RPRD2: variants seen among roughly 807,000 people sequenced by gnomAD.
RPRD2 encodes regulation of nuclear pre-mRNA domain-containing protein 2.
In RPRD2, 12 loss-of-function variants were observed where a neutral mutation model predicts 104.4. The observed-to-expected ratio is 0.11, with a 90% CI of 0.07 to 0.19. The LOEUF is 0.19. Among genes scored for constraint, RPRD2 ranks in the 10% least tolerant of loss-of-function variants. RPRD2 has a pLI of 1.00. For synonymous variants in RPRD2, 714 were observed against 684.9 expected (o/e 1.04, Z -0.66); for missense variants, 1,543 against 1,790.1 (o/e 0.86, Z 2.49).
At position 150,421,066 on chromosome 1, in the gene RPRD2, A is replaced by G. The variant is rs181131733; in HGVS notation, c.335+3341A>G. Among the ~76,000 whole-genome samples, 21 of 152,296 alleles carry G rather than the reference A, an allele frequency of 1.4e-4. No homozygotes were observed. The East Asian group carries it at 4.1e-3, about 29-fold the overall frequency. On this transcript the variant is annotated intron_variant, in intron 2 of 10. Transcript: ENST00000369068. ...AACAAATGGGTATGGCTATCTTCCAATAAGAATAGGCAGCAGGCCAGATTT... is the reference window on the plus strand; with the variant it reads ...AACAAATGGGTATGGCTATCTTCCAGTAAGAATAGGCAGCAGGCCAGATTT...
chr1:150,461,014 C>T (rs1346025576), intron 9 of RPRD2, among the ~76,000 whole-genome samples: 2 of 152,012 alleles, frequency 1.3e-5, no homozygotes, highest in East Asian at 1.9e-4. Flanking sequence ...CGTGAGCCAG[C>T]GCACCCAGCT....
intron 2 of RPRD2, among the ~76,000 whole-genome samples, chr1:150,422,499 C>G (rs1454922806): frequency 1.3e-5 from 2 of 151,838 alleles, no homozygotes; most frequent in East Asian, 3.9e-4. Flanking sequence ...CTAGAAGTTC[C>G]TGGCAGGTAA....
rs981529363 is a variant in RPRD2 at position 150,432,096 on chromosome 1, G to A, written c.336-8827G>A. Among the ~76,000 whole-genome samples, 10 of 150,406 alleles carry A rather than the reference G, an allele frequency of 6.6e-5. No individual in the cohort carries two copies. The East Asian group carries it at 1.2e-3, about 18-fold the overall frequency. On this transcript the variant is annotated intron_variant, in intron 2 of 10. Coordinates refer to ENST00000369068, the MANE Select transcript of RPRD2 (RefSeq NM_015203.5). ...AAATGGTTAAGGTGGTAAATTTTAC[G>A]TGTATTTTACCACAATTTTCCTTAA...
chr1:150,439,276 T>G (rs1359510567), intron 2 of RPRD2, among the ~76,000 whole-genome samples: 1 of 152,304 alleles, frequency 6.6e-6, no homozygotes, highest in East Asian at 1.9e-4. Context: ...AGTATTGTAT[T>G]TGAAACCAGT....
At chr1:150,365,834 AC>A (rs1659802305) in intron 1 of RPRD2, among the ~76,000 whole-genome samples, 1 of 151,964 alleles carries the variant, frequency 6.6e-6, no homozygotes, top group South Asian at 2.1e-4. Flanking sequence ...CAGGTGATCC[AC>A]CTGCCTCGGC....
chr1:150,414,077 GA>G (rs1183219424), intron 1 of RPRD2, among the ~76,000 whole-genome samples: 3 of 150,154 alleles, frequency 2.0e-5, no homozygotes, highest in Admixed American at 1.3e-4. Flanking sequence ...GGTGACAGAA[GA>G]AAAAAAAAAT....
In RPRD2 at chr1:150,370,950, A is replaced by T. The variant is rs146432752; in HGVS notation, c.205+6031A>T. Among the ~76,000 whole-genome samples, 473 of 152,078 alleles carry T rather than the reference A, an allele frequency of 3.1e-3. 3 individuals carry two copies. The highest frequency in any genetic ancestry group is 6.2e-3 in the South Asian group (30 of 4,822). ...ACACCACCTTTCTACTGATCTCCCC[A>T]CTTCAGTAGTTATCACATAACAGTC... On this transcript the variant is annotated intron_variant, in intron 1 of 10. Coordinates refer to ENST00000369068, the MANE Select transcript of RPRD2 (RefSeq NM_015203.5).
At chr1:150,403,212 G>A (rs1217147989) in intron 1 of RPRD2, among the ~76,000 whole-genome samples, 1 of 152,068 alleles carries the variant, frequency 6.6e-6, no homozygotes, top group Non-Finnish European at 1.5e-5. Flanking sequence ...TTATTATAGC[G>A]TGATTTAATA....
At chr1:150,370,782 G>C (rs1553878200) in intron 1 of RPRD2, among the ~76,000 whole-genome samples, 1 of 151,858 alleles carries the variant, frequency 6.6e-6, no homozygotes. Context: ...TGCCATGTTT[G>C]CCAGTCTGGT....
At chr1:150,431,473 A>AGG (rs1337827257) in intron 2 of RPRD2, among the ~76,000 whole-genome samples, 1 of 78,850 alleles carries the variant, frequency 1.3e-5, no homozygotes, top group Admixed American at 1.8e-4. Context: ...AAAAGGAAGG[A>AGG]TTTTTTTTTT....
chr1:150,473,435 T>C lies in RPRD2; in HGVS notation c.*101T>C, dbSNP rs112042154. 71 of 1,244,006 alleles carry C rather than the reference T, an allele frequency of 5.7e-5. No individual in the cohort carries two copies. The highest frequency in any genetic ancestry group is 7.4e-5 in the Non-Finnish European group (67 of 910,456). The allele number at this position is 1,244,006 out of a possible 1,614,324, so 77.1% of individuals were successfully genotyped here. A position where few individuals can be genotyped will look rare whatever the true frequency, so the allele number is the denominator to read the frequency against. ...TTATTTGTTTTCTCTTTCTCGATTT[T>C]TTTTTTATTATAACAAAGGGCCTCT... is the stretch of plus-strand genomic sequence containing the variant. On this transcript the variant is annotated 3_prime_UTR_variant, in exon 11 of 11. Transcript: ENST00000369068.
At chr1:150,416,887 A>AC (rs1385358349) in intron 1 of RPRD2, among the ~76,000 whole-genome samples, 159 of 151,416 alleles carry the variant, frequency 1.1e-3, no homozygotes, top group African/African-American at 3.6e-3. Flanking sequence ...AAAAAAAAAA[A>AC]AAAACAAAAA....
At chr1:150,379,296 A>G (rs1660954995) in intron 1 of RPRD2, among the ~76,000 whole-genome samples, 2 of 152,032 alleles carry the variant, frequency 1.3e-5, no homozygotes, top group Non-Finnish European at 2.9e-5. Context: ...AAAAAAACAA[A>G]AAGAAAGAAA....
At chr1:150,396,461 A>G (rs868927317) in intron 1 of RPRD2, among the ~76,000 whole-genome samples, 1 of 152,116 alleles carries the variant, frequency 6.6e-6, no homozygotes, top group Non-Finnish European at 1.5e-5. Context: ...TTCCATTGTT[A>G]TCTTCTAGAA....
chr1:150,403,853 G>C (rs1553885960), intron 1 of RPRD2, among the ~76,000 whole-genome samples: 1 of 152,016 alleles, frequency 6.6e-6, no homozygotes, highest in Admixed American at 6.6e-5. Context: ...AAACTGGCCT[G>C]AAACTCTTGA....
At chr1:150,379,269 C>T (rs767020380) in intron 1 of RPRD2, among the ~76,000 whole-genome samples, 7 of 149,110 alleles carry the variant, frequency 4.7e-5, no homozygotes, top group South Asian at 4.2e-4. Flanking sequence ...GGCGACAGAG[C>T]GAGACTCCAT....
At chr1:150,470,054 C>T (rs1011961788) in intron 10 of RPRD2, among the ~76,000 whole-genome samples, 9 of 151,664 alleles carry the variant, frequency 5.9e-5, no homozygotes, top group African/African-American at 1.9e-4. Flanking sequence ...GCCTGTCTCC[C>T]GCTTGAAAAT....
intron 1 of RPRD2, among the ~76,000 whole-genome samples, chr1:150,379,266 G>A (rs1368968573): frequency 1.3e-5 from 2 of 151,392 alleles, no homozygotes; most frequent in South Asian, 2.1e-4. Flanking sequence ...CTGGGCGACA[G>A]AGCGAGACTC....
chr1:150,400,246 G>A (rs1553885056), intron 1 of RPRD2, among the ~76,000 whole-genome samples: 1 of 152,146 alleles, frequency 6.6e-6, no homozygotes, highest in African/African-American at 2.4e-5. Flanking sequence ...TTACTTATTA[G>A]TTCAAGTACC....
Sources: allele counts gnomAD v4.1 joint callset (sites outside exome capture counted in the v4.1 genomes callset), GRCh38; gene constraint gnomAD v4.1.1; transcripts MANE v1.5; gene names NCBI Gene and HGNC (gene_info 2026-07-23, HGNC 2026-07-21).